The following PFKFB3 variants were observed in gnomAD, a reference collection of about 807,000 sequenced individuals.
PFKFB3 encodes 6-phosphofructo-2-kinase/fructose-2,6-bisphosphatase 3.
PFKFB3 carries 33 observed loss-of-function variants against 68.0 expected under a neutral mutation model. That is an observed-to-expected ratio of 0.49 (90% CI 0.37 to 0.65). The LOEUF (loss-of-function observed/expected upper bound fraction) is 0.65, where lower values mean the gene tolerates loss of function less well. Ranked by LOEUF, PFKFB3 falls within the 30% of genes least tolerant of loss-of-function variation. The pLI is 0.00. For synonymous variants in PFKFB3, 315 were observed against 288.2 expected (o/e 1.09, Z -0.94); for missense variants, 586 against 712.2 (o/e 0.82, Z 2.02).
At chr10:6,313,614 A>G in the PFKFB3 span, among the ~76,000 whole-genome samples, 1 of 152,034 alleles carries the variant, frequency 6.6e-6, no homozygotes, top group African/African-American at 2.4e-5. This position sits in a 1 kb window ranked among gnomAD's most constrained non-coding sequence, Gnocchi z 4.2. Context: ...TTTGTGCATT[A>G]GTTTATCCTT....
chr10:6,267,947 C>T, the PFKFB3 span, among the ~76,000 whole-genome samples: 2 of 85,672 alleles, frequency 2.3e-5, no homozygotes, highest in African/African-American at 4.2e-5. Flanking sequence ...AGAGCGAGAC[C>T]CTATCTCAAA....
intron 1 of PFKFB3, among the ~76,000 whole-genome samples, chr10:6,177,488 T>TTTC (rs1564600050): frequency 2.4e-4 from 11 of 45,308 alleles, no homozygotes; most frequent in African/African-American, 7.0e-4. Flanking sequence ...TTCTTTCTTT[T>TTTC]TCTTTTCTTT....
chr10:6,219,809 G>T (rs1231091121), intron 7 of PFKFB3, 116 bp downstream of exon 7: 2 of 1,083,612 alleles, frequency 1.8e-6, no homozygotes, highest in African/African-American at 1.6e-5. Flanking sequence ...TTTTAAGACA[G>T]TTTTTTTTGT....
intron 1 of PFKFB3, among the ~76,000 whole-genome samples, chr10:6,187,571 C>G (rs1842904311): frequency 6.6e-6 from 1 of 152,126 alleles, no homozygotes; most frequent in South Asian, 2.1e-4. Context: ...GCAGGTCTTT[C>G]GTTGTCAGCA....
the PFKFB3 span, among the ~76,000 whole-genome samples, chr10:6,307,510 TTTCCTTCCTTCC>T: frequency 0.2 from 23,034 of 116,162 alleles, 2,607 homozygotes; most frequent in Non-Finnish European, 0.24. Flanking sequence ...TCCTTCTCTT[TTTCCTTCCTTCC>T]TTCCTTCCTT....
chr10:6,151,780 C>T (rs1367315583), intron 1 of PFKFB3, among the ~76,000 whole-genome samples: 1 of 152,142 alleles, frequency 6.6e-6, no homozygotes, highest in Non-Finnish European at 1.5e-5. Context: ...GAAGGTCTTG[C>T]CTAGGCATGG....
At chr10:6,306,820 C>T in the PFKFB3 span, among the ~76,000 whole-genome samples, 1 of 152,172 alleles carries the variant, frequency 6.6e-6, no homozygotes, top group Non-Finnish European at 1.5e-5. Flanking sequence ...GGATGTGAGA[C>T]AACCAAGTTA....
At chr10:6,213,343 G>A (rs1844354084) in intron 1 of PFKFB3, among the ~76,000 whole-genome samples, 1 of 152,138 alleles carries the variant, frequency 6.6e-6, no homozygotes, top group South Asian at 2.1e-4. Flanking sequence ...AACACAGCGA[G>A]ACCCCATCTC....
At chr10:6,321,704 T>G in the PFKFB3 span, among the ~76,000 whole-genome samples, 1 of 152,262 alleles carries the variant, frequency 6.6e-6, no homozygotes, top group East Asian at 1.9e-4. Context: ...ATGATCTACT[T>G]TCTTTGTGAT....
At chr10:6,306,480 A>G in the PFKFB3 span, among the ~76,000 whole-genome samples, 1 of 152,258 alleles carries the variant, frequency 6.6e-6, no homozygotes, top group East Asian at 1.9e-4. Context: ...GCCAGAGGCC[A>G]TCATCACAAT....
the PFKFB3 span, among the ~76,000 whole-genome samples, chr10:6,303,486 A>G: frequency 1.3e-5 from 2 of 152,188 alleles, no homozygotes; most frequent in African/African-American, 4.8e-5. Flanking sequence ...ATGACAATCA[A>G]TGCTGAAATA....
At chr10:6,211,927 A>G (rs1434318131) in intron 1 of PFKFB3, among the ~76,000 whole-genome samples, 2 of 152,178 alleles carry the variant, frequency 1.3e-5, no homozygotes, top group African/African-American at 2.4e-5. Flanking sequence ...CAGATCCTGG[A>G]CATTGACTTC....
intron 1 of PFKFB3, among the ~76,000 whole-genome samples, chr10:6,182,261 C>G (rs1222312751): frequency 6.6e-6 from 1 of 151,916 alleles, no homozygotes; most frequent in South Asian, 2.1e-4. Context: ...GCATATGCAT[C>G]CCCCCAACAT....
At chr10:6,217,343 C>A in intron 6 of PFKFB3, 152 bp downstream of exon 6, 1 of 727,218 alleles carries the variant, frequency 1.4e-6, no homozygotes, top group Non-Finnish European at 2.4e-6. Flanking sequence ...GGAGGTCAGA[C>A]CTACAGAGCG....
At chr10:6,183,585 T>C (rs1842777473) in intron 1 of PFKFB3, among the ~76,000 whole-genome samples, 2 of 120,770 alleles carry the variant, frequency 1.7e-5, no homozygotes, top group South Asian at 5.7e-4. Context: ...GGTCAGGAGT[T>C]CGAGACCAGC....
intron 1 of PFKFB3, among the ~76,000 whole-genome samples, chr10:6,177,438 C>CTTTCTTTCTTTCTTCCTTTCTTTCTT (rs1554842946): frequency 1.4e-4 from 12 of 86,718 alleles, no homozygotes; most frequent in African/African-American, 5.0e-4. Flanking sequence ...TCTTTTCTTT[C>CTTTCTTTCTTTCTTCCTTTCTTTCTT]TCTTTCTTTC....
chr10:6,205,805 T>TATTTATTTATTTATTTATTCATTC (rs1177188191), intron 1 of PFKFB3, among the ~76,000 whole-genome samples: 1 of 150,682 alleles, frequency 6.6e-6, no homozygotes, highest in Admixed American at 6.6e-5. Flanking sequence ...TTTATTTATT[T>TATTTATTTATTTATTTATTCATTC]ATTCATTTTT....
chr10:6,287,455 A>T, the PFKFB3 span, among the ~76,000 whole-genome samples: 1 of 152,164 alleles, frequency 6.6e-6, no homozygotes, highest in African/African-American at 2.4e-5. Flanking sequence ...ATAAACAAAT[A>T]TTTACCATAG....
At chr10:6,286,320 T>C in the PFKFB3 span, among the ~76,000 whole-genome samples, 17 of 152,168 alleles carry the variant, frequency 1.1e-4, no homozygotes, top group Non-Finnish European at 2.4e-4. Context: ...GGGTTTCTTG[T>C]AGGCAACATA....
Sources: gnomAD v4.1 joint callset for allele counts (sites outside exome capture counted in the v4.1 genomes callset) on GRCh38, gnomAD v4.1.1 for gene constraint, Gnocchi (gnomAD v3.1) non-coding constraint, MANE v1.5 for transcripts, NCBI Gene and HGNC (gene_info 2026-07-23, HGNC 2026-07-21) for gene names.